Variants in EEF1E1 observed in about 807,000 individuals in gnomAD.
EEF1E1 encodes the protein eukaryotic translation elongation factor 1 epsilon-1.
EEF1E1 carries 19 observed loss-of-function variants against 19.9 expected under a neutral mutation model. That is an observed-to-expected ratio of 0.95 (90% CI 0.66 to 1.40). The LOEUF is 1.40. Ranked by LOEUF, EEF1E1 falls within the 40% of genes most tolerant of loss-of-function variation. The pLI is 0.00. For synonymous variants in EEF1E1, 81 were observed against 80.0 expected, an observed-to-expected ratio of 1.01 and a Z score of -0.07; for missense variants, 198 against 202.2, an observed-to-expected ratio of 0.98 and a Z score of 0.13.
chr6:8,098,400 G>A (rs991235291), intron 1 of EEF1E1, among the ~76,000 whole-genome samples: 2 of 152,142 alleles, frequency 1.3e-5, no homozygotes, highest in Non-Finnish European at 2.9e-5. Context: ...TTACAAGCGT[G>A]AGCCACCGCG....
At position 8,094,953 on chromosome 6, in the gene EEF1E1, C is replaced by G. The variant is rs534732444; in HGVS notation, c.288+2314G>C. On this transcript the variant is annotated intron_variant, in intron 2 of 3. Coordinates refer to ENST00000379715, the MANE Select transcript of EEF1E1 (RefSeq NM_004280.5). ...CTTTAAGAATACGGTATATAATACA[C>G]ATAAAATACAAAATATGTATTAACT... Among the ~76,000 whole-genome samples, 7 of 152,228 alleles carry G rather than the reference C, an allele frequency of 4.6e-5. No homozygotes were observed. The South Asian group carries it at 1.2e-3, about 27-fold the overall frequency.
chr6:8,076,209 C>G (rs1235287794), downstream of EEF1E1, among the ~76,000 whole-genome samples: 2 of 151,938 alleles, frequency 1.3e-5, no homozygotes, highest in African/African-American at 4.8e-5. Flanking sequence ...TTCCTAATGG[C>G]ATCTAGAATG....
At chr6:8,096,598 G>A (rs951922368) in intron 2 of EEF1E1, among the ~76,000 whole-genome samples, 1 of 152,124 alleles carries the variant, frequency 6.6e-6, no homozygotes, top group Non-Finnish European at 1.5e-5. Flanking sequence ...GTGATATGCT[G>A]TTGTCTGAAT....
At chr6:8,089,194 G>C (rs1319626695) in intron 3 of EEF1E1, among the ~76,000 whole-genome samples, 1 of 152,064 alleles carries the variant, frequency 6.6e-6, no homozygotes, top group African/African-American at 2.4e-5. Context: ...ACACAAAAGG[G>C]GGTCAGGTTG....
intron 3 of EEF1E1, among the ~76,000 whole-genome samples, chr6:8,084,554 CCTT>C (rs1306387904): frequency 5.3e-5 from 8 of 152,308 alleles, no homozygotes; most frequent in African/African-American, 1.9e-4. Context: ...GAAATACTCT[CCTT>C]CTTAATGACA....
downstream of EEF1E1, among the ~76,000 whole-genome samples, chr6:8,075,105 G>C (rs114332661): frequency 0.013 from 1,969 of 152,238 alleles, 18 homozygotes; most frequent in South Asian, 0.042. Flanking sequence ...CAGAAGTGTT[G>C]GGGCTAGGTG....
intron 2 of EEF1E1, among the ~76,000 whole-genome samples, chr6:8,091,068 T>C (rs1758000142): frequency 6.6e-6 from 1 of 152,228 alleles, no homozygotes; most frequent in African/African-American, 2.4e-5. Flanking sequence ...CTGGACCATA[T>C]GGTAATTCCA....
intron 3 of EEF1E1, among the ~76,000 whole-genome samples, chr6:8,089,781 G>A (rs1429665767): frequency 6.6e-6 from 1 of 152,112 alleles, no homozygotes; most frequent in Non-Finnish European, 1.5e-5. Flanking sequence ...AAGATCTAGA[G>A]GTGGAATGGT....
chr6:8,098,706 G>A (rs1758243481), intron 1 of EEF1E1, among the ~76,000 whole-genome samples: 1 of 152,166 alleles, frequency 6.6e-6, no homozygotes, highest in Non-Finnish European at 1.5e-5. Flanking sequence ...ACCCTCCGAA[G>A]GGTGCCAGTA....
At chr6:8,097,186 G>T in intron 2 of EEF1E1, 81 bp downstream of exon 2, 1 of 1,404,700 alleles carries the variant, frequency 7.1e-7, no homozygotes, top group Non-Finnish European at 1.0e-6. Context: ...AAGGCCAACA[G>T]CTACAGCTTT....
intron 1 of EEF1E1, chr6:8,101,694 T>G: frequency 8.1e-7 from 1 of 1,239,430 alleles, no homozygotes; most frequent in African/African-American, 1.6e-5. Flanking sequence ...CCTTCTCTAA[T>G]ACATTCCTTC....
Position 8,097,466 on chromosome 6 carries a change from ATCTT to A in EEF1E1, c.88-3_88del, listed in dbSNP as rs1302014834. Reference sequence around the variant, plus strand: ...ACCATTGTTTGTCTGAAGAACTGGAATCTTAAAAAGAAAAAAAAGTTCACAGAAT... The same window carrying A: ...ACCATTGTTTGTCTGAAGAACTGGAAAAAAAGAAAAAAAAGTTCACAGAAT... On this transcript the variant is annotated splice_acceptor_variant and splice_polypyrimidine_tract_variant and coding_sequence_variant and intron_variant, in exon 2 of 4. Coordinates refer to ENST00000379715, the MANE Select transcript of EEF1E1 (RefSeq NM_004280.5). LOFTEE classifies it high-confidence loss of function. 1.2e-6 allele frequency: 2 copies of A among 1,611,072 alleles called. No individual in the cohort carries two copies. The highest frequency in any genetic ancestry group is 1.7e-5 in the Admixed American group (1 of 59,564).
chr6:8,080,111 G>A, intron 3 of EEF1E1, 81 bp from the exon 4 acceptor site: 1 of 1,493,974 alleles, frequency 6.7e-7, no homozygotes, highest in African/African-American at 1.4e-5. Flanking sequence ...GTAGGAGATA[G>A]AAGTTGAAAA....
chr6:8,089,831 T>C (rs1227806410), intron 3 of EEF1E1: 1 of 253,004 alleles, frequency 4.0e-6, no homozygotes, highest in East Asian at 6.8e-5. Context: ...AAACCTAAAG[T>C]GTGGCTGGAG....
At chr6:8,096,345 G>A (rs182151712) in intron 2 of EEF1E1, among the ~76,000 whole-genome samples, 1 of 152,142 alleles carries the variant, frequency 6.6e-6, no homozygotes, top group African/African-American at 2.4e-5. Context: ...GAATAGTAGG[G>A]GCACAAGAGA....
rs113621450 is a variant in EEF1E1, at chr6:8,089,106, G to A, written c.384+1080C>T. On this transcript the variant is annotated intron_variant, in intron 3 of 3. Coordinates refer to ENST00000379715, the MANE Select transcript of EEF1E1 (RefSeq NM_004280.5). ...CATTTATTTGGACTGGCCAAGAGCC[G>A]GGAACTTACAGGGAAAGGGTGGTGA... Among the ~76,000 whole-genome samples, 265 of 152,278 alleles carry A rather than the reference G, an allele frequency of 1.7e-3. 2 individuals are homozygous for A. The highest frequency in any genetic ancestry group is 5.8e-3 in the African/African-American group (239 of 41,544).
rs1030248702 is a variant in EEF1E1, at chr6:8,073,495, G to T, written c.400C>A (p.His134Asn). 3.9e-6 allele frequency: 6 copies of T among 1,551,590 alleles called. No individual in the cohort carries two copies. The South Asian group carries it at 5.9e-5, about 15-fold the overall frequency. ...TTGGGTTAGTTCCCTACCTCTGTGT[G>T]CCTCAGCTTCCTTATCTGCAAAAGG... The change falls in exon 4 of 4, where the codon CAC becomes AAC. Residue 134 changes from histidine (H) to asparagine (N), a missense_variant. Transcript: ENST00000429723.
At chr6:8,098,218 C>T (rs1031953301) in intron 1 of EEF1E1, among the ~76,000 whole-genome samples, 1 of 151,940 alleles carries the variant, frequency 6.6e-6, no homozygotes, top group South Asian at 2.1e-4. Context: ...CTCCCGGGTT[C>T]AACCGATTCT....
chr6:8,098,309 G>A (rs908328307), intron 1 of EEF1E1, among the ~76,000 whole-genome samples: 2 of 151,858 alleles, frequency 1.3e-5, no homozygotes. Context: ...TAGTAGAGAC[G>A]GGGTTTCACT....
Sources: allele counts gnomAD v4.1 joint callset (sites outside exome capture counted in the v4.1 genomes callset), GRCh38; gene constraint gnomAD v4.1.1; transcripts MANE v1.5; gene names NCBI Gene and HGNC (gene_info 2026-07-23, HGNC 2026-07-21).